Variants in ERICH3 observed in about 807,000 individuals in gnomAD.
ERICH3 encodes glutamate rich 3.
Under a neutral mutation model 131.1 loss-of-function variants are expected in ERICH3, and 126 were observed. The ratio of observed to expected loss-of-function variants is 0.96; its 90% CI spans 0.83 to 1.11. ERICH3 has a LOEUF of 1.11. Among genes scored for constraint, ERICH3 ranks in the 50% most tolerant of loss-of-function variants. The pLI, the probability that ERICH3 is intolerant of heterozygous loss-of-function variation, is 0.00. For missense variants in ERICH3, 2,050 were observed against 1,810.7 expected (o/e 1.13, Z -2.40); for synonymous variants, 695 against 644.6 (o/e 1.08, Z -1.18).
At chr1:74,617,612 T>A (rs961497396) in intron 8 of ERICH3, among the ~76,000 whole-genome samples, 37 of 152,212 alleles carry the variant, frequency 2.4e-4, no homozygotes, top group African/African-American at 8.4e-4. Context: ...ATGGTATGAT[T>A]GTGTTTATAG....
chr1:74,652,855 T>G (rs898506394), intron 1 of ERICH3, among the ~76,000 whole-genome samples: 2 of 152,148 alleles, frequency 1.3e-5, no homozygotes, highest in African/African-American at 4.8e-5. Flanking sequence ...AACAAGACTA[T>G]CTACCCATCC....
chr1:74,666,825 C>T (rs747765038), intron 1 of ERICH3, among the ~76,000 whole-genome samples: 17 of 152,108 alleles, frequency 1.1e-4, no homozygotes, highest in Admixed American at 9.2e-4. Flanking sequence ...CCATGAAGTG[C>T]AAAACACATG....
intron 1 of ERICH3, among the ~76,000 whole-genome samples, chr1:74,657,833 T>C (rs1034985813): frequency 6.6e-6 from 1 of 152,152 alleles, no homozygotes; most frequent in Non-Finnish European, 1.5e-5. Flanking sequence ...TGAATTCTTC[T>C]CTTTATAATG....
Position 74,612,653 on chromosome 1 carries a change from A to C in ERICH3, c.1157T>G (p.Val386Gly), listed in dbSNP as rs1484309759. Residue 386 changes from valine (V) to glycine (G), a missense_variant, in exon 9 of 15, where the codon GTG (valine) becomes GGG (glycine). By Grantham distance (109) the Val-to-Gly change is moderately radical (BLOSUM62 -3). Transcript: ENST00000326665. ...LGGKRGYFGF[V>G]CVERSSPCYK... ...GCAAGGAGATGATCTCTCAACACAC[A>C]CAAACCCAAAGTAGCCTCGTTTGCC... 1 of 1,586,680 alleles carries C rather than the reference A, an allele frequency of 6.3e-7. No individual in the cohort carries two copies. The highest frequency in any genetic ancestry group is 8.6e-7 in the Non-Finnish European group (1 of 1,159,354).
chr1:74,571,598 ATTG>A lies in ERICH3; in HGVS notation c.4109_4111del (p.Thr1370del), dbSNP rs774794108. 8.7e-6 allele frequency: 14 copies of A among 1,613,706 alleles called. No homozygotes were observed. The South Asian group carries it at 1.5e-4, about 18-fold the overall frequency. On this transcript the variant is annotated inframe_deletion, in exon 14 of 15. Coordinates refer to ENST00000326665, the MANE Select transcript of ERICH3 (RefSeq NM_001002912.5). ...TGAAAAGGAGGAGGCTTTATTTGCTATTGTTTTCTCCTCGGCTGTCTCCGAACC... is the reference window on the plus strand; with the variant it reads ...TGAAAAGGAGGAGGCTTTATTTGCTATTTTCTCCTCGGCTGTCTCCGAACC...
rs1024389020 is a variant in ERICH3 at position 74,673,699 on chromosome 1, C to G, written c.-180G>C. ...GGCGCCCGGGCTACCCGCAGCCTCC[C>G]GGGCTCCCACCCTCCGTTGGTATCC... On this transcript the variant is annotated 5_prime_UTR_variant, in exon 1 of 15. Transcript: ENST00000326665. 4.2e-6 allele frequency: 2 copies of G among 480,920 alleles called. No individual in the cohort carries two copies. Among genetic ancestry groups the G allele is most frequent in the East Asian group, 3.7e-5 (1 of 26,762 alleles). The allele number at this position is 480,920 out of a possible 1,614,324, so 29.8% of individuals were successfully genotyped here. A position where few individuals can be genotyped will look rare whatever the true frequency, so the allele number is the denominator to read the frequency against.
intron 12 of ERICH3, among the ~76,000 whole-genome samples, chr1:74,581,371 T>TTTG (rs568952268): frequency 6.6e-6 from 1 of 152,116 alleles, no homozygotes; most frequent in East Asian, 1.9e-4. Context: ...GTTTATTACT[T>TTTG]TTGTTGTTGT....
Position 74,612,790 on chromosome 1 carries a change from G to A in ERICH3, c.1020C>T (p.Ser340=). 6.3e-7 allele frequency: 1 copy of A among 1,581,004 alleles called. No individual in the cohort carries two copies. Among genetic ancestry groups the A allele is most frequent in the Non-Finnish European group, 8.7e-7 (1 of 1,155,054 alleles). The change falls in exon 9 of 15, where the codon TCC becomes TCT. Residue 340 remains serine, a synonymous_variant. Coordinates refer to ENST00000326665, the MANE Select transcript of ERICH3 (RefSeq NM_001002912.5). ...TGAAGGGGAAACCATGATGCCTTTT[G>A]GAAATAAACTGAAAGGTCTCTGGAA... ...LLEKETFQFI[S]KRHHGFPFSL... is the part of the protein sequence containing the mutation.
chr1:74,587,324 C>CAAAAAAAAAAAAAAAAAAAAAAA (rs11330631), intron 12 of ERICH3, among the ~76,000 whole-genome samples: 1 of 56,286 alleles, frequency 1.8e-5, no homozygotes, highest in African/African-American at 5.9e-5. Flanking sequence ...GACTCCATCT[C>CAAAAAAAAAAAAAAAAAAAAAAA]AAAAAAAAAA....
chr1:74,646,099 G>A (rs1646480239), intron 3 of ERICH3, among the ~76,000 whole-genome samples: 2 of 152,024 alleles, frequency 1.3e-5, no homozygotes, highest in African/African-American at 2.4e-5. Context: ...AAAAAAATAT[G>A]TTGTTGATGC....
chr1:74,647,702 C>G (rs1004582675), intron 2 of ERICH3, among the ~76,000 whole-genome samples: 6 of 152,104 alleles, frequency 3.9e-5, no homozygotes, highest in Admixed American at 3.9e-4. Flanking sequence ...CTTTGCTCCC[C>G]TCTTTCATGC....
intron 12 of ERICH3, among the ~76,000 whole-genome samples, chr1:74,583,536 AT>A (rs542708817): frequency 1.4e-4 from 22 of 151,814 alleles, no homozygotes; most frequent in Non-Finnish European, 2.9e-4. Context: ...GTACTCACCT[AT>A]TTTCAGACTG....
At position 74,620,866 on chromosome 1, in the gene ERICH3, T is replaced by C; in HGVS notation, c.868A>G (p.Thr290Ala). The change falls in exon 8 of 15, where the codon ACA becomes GCA. Residue 290 changes from threonine to alanine, a missense_variant. Thr to Ala is a moderately conservative substitution (Grantham distance 58). Coordinates refer to ENST00000326665, the MANE Select transcript of ERICH3 (RefSeq NM_001002912.5). ...ACATTTTTCCCCAAATAGATCATTGTAATAGCTGCATTACTATGTAAGGAT... is the reference window on the plus strand; with the variant it reads ...ACATTTTTCCCCAAATAGATCATTGCAATAGCTGCATTACTATGTAAGGAT... ...KTSLHSNAAI[T>A]MIYLGKNVHL... 2 of 1,612,494 alleles carry C rather than the reference T, an allele frequency of 1.2e-6. No homozygotes were observed. The highest frequency in any genetic ancestry group is 1.7e-6 in the Non-Finnish European group (2 of 1,179,096).
chr1:74,572,451 T>C lies in ERICH3; in HGVS notation c.3259A>G (p.Lys1087Glu). ...TCTTCTTTAAAAGCATCTTCATCCT[T>C]GAGTGCATTTGCCCTTGTCACCTCT... ...REEVTRANALKDEDAFKEEQK... is the reference protein window; with the variant it reads ...REEVTRANALEDEDAFKEEQK... Residue 1087 changes from lysine to glutamate, a missense_variant, in exon 14 of 15, where the codon AAG becomes GAG. By Grantham distance (56) the Lys-to-Glu change is moderately conservative (BLOSUM62 1). Coordinates refer to ENST00000326665, the MANE Select transcript of ERICH3 (RefSeq NM_001002912.5). 1 of 1,614,150 alleles carries C rather than the reference T, an allele frequency of 6.2e-7. No homozygotes were observed. The highest frequency in any genetic ancestry group is 8.5e-7 in the Non-Finnish European group (1 of 1,180,030).
Position 74,666,432 on chromosome 1 carries a change from TACTG to T in ERICH3, c.23+7061_23+7064del, listed in dbSNP as rs563267179. Among the ~76,000 whole-genome samples, 851 of 152,328 alleles carry T rather than the reference TACTG, an allele frequency of 5.6e-3. 4 individuals are homozygous for T. The highest frequency in any genetic ancestry group is 0.02 in the African/African-American group (811 of 41,572). On this transcript the variant is annotated intron_variant, in intron 1 of 14. Transcript: ENST00000326665. ...TTGTCAAAAAAATTTTTAATCCTAA[TACTG>T]AAAGAGTCTCAGTAAGGTATGATTT...
In ERICH3 at chr1:74,599,748, A is replaced by T; in HGVS notation, c.1673T>A (p.Val558Glu). ...AGAGCATCCATCATTCTCATCTTTC[A>T]CATTGTCACGGGCATCTGGTGCCTT... is the stretch of plus-strand genomic sequence containing the variant. ...SQKAPDARDN[V>E]KDENDGCSES... is the part of the protein sequence containing the mutation. The change falls in exon 11 of 15, where the codon GTG (valine) becomes GAG (glutamate). Residue 558 changes from valine (V) to glutamate (E), a missense_variant. By Grantham distance (121) the Val-to-Glu change is moderately radical (BLOSUM62 -2). Transcript: ENST00000326665. The T allele has an allele frequency of 1.2e-6, 2 of 1,612,254 alleles. No homozygotes were observed. Among genetic ancestry groups the T allele is most frequent in the Non-Finnish European group, 1.7e-6 (2 of 1,178,940 alleles).
intron 6 of ERICH3, among the ~76,000 whole-genome samples, chr1:74,632,567 C>A (rs988803952): frequency 6.6e-6 from 1 of 151,704 alleles, no homozygotes; most frequent in African/African-American, 2.4e-5. Flanking sequence ...CACACATGCA[C>A]ACACACACAC....
In ERICH3 at chr1:74,573,194, G is replaced by T; in HGVS notation, c.2516C>A (p.Ala839Glu). The change falls in exon 14 of 15, where the codon GCA (alanine) becomes GAA (glutamate). Residue 839 changes from alanine to glutamate, a missense_variant. Transcript: ENST00000326665. ...CCCTTCTGCTTCTGCTGCTCCCTCT[G>T]CCCCCCTTTCTATGCCTGGAGGGAT... is the stretch of plus-strand genomic sequence containing the variant. The part of the protein sequence containing the change: ...REIPPGIERG[A>E]EGAAEAEGVR... The T allele has an allele frequency of 6.2e-7, 1 of 1,612,786 alleles. No homozygotes were observed. The highest frequency in any genetic ancestry group is 8.5e-7 in the Non-Finnish European group (1 of 1,179,350).
Position 74,590,057 on chromosome 1 carries a change from A to C in ERICH3, c.1750T>G (p.Ser584Ala), listed in dbSNP as rs74513893. Residue 584 changes from serine to alanine, a missense_variant, in exon 12 of 15, where the codon TCA (serine) becomes GCA (alanine). Coordinates refer to ENST00000326665, the MANE Select transcript of ERICH3 (RefSeq NM_001002912.5). The part of the protein sequence containing the change: ...KQDMKTASST[S>A]SRSHPYSSDS... ...CTAGAATAAGGGTGACTTCTGGATG[A>C]GGTTGATGAAGCAGTTTTCATATCT... 1.9e-4 allele frequency: 312 copies of C among 1,606,294 alleles called. 3 individuals are homozygous for C. In the East Asian group the frequency reaches 4.7e-3, roughly 24 times the overall value.
Sources: allele counts gnomAD v4.1 joint callset (sites outside exome capture counted in the v4.1 genomes callset), GRCh38; gene constraint gnomAD v4.1.1; transcripts MANE v1.5; gene names NCBI Gene and HGNC (gene_info 2026-07-23, HGNC 2026-07-21).